Variants in GRAMD1B observed in about 807,000 individuals in gnomAD.
GRAMD1B encodes the protein protein Aster-B.
Under a neutral mutation model 99.7 loss-of-function variants are expected in GRAMD1B, and 37 were observed. That is an observed-to-expected ratio of 0.37 (90% CI 0.29 to 0.49). The LOEUF (loss-of-function observed/expected upper bound fraction) is 0.49, where lower values mean the gene tolerates loss of function less well. GRAMD1B is among the 20% of genes least tolerant of loss of function. The pLI, the probability that GRAMD1B is intolerant of heterozygous loss-of-function variation, is 0.98. For missense variants in GRAMD1B, 888 were observed against 1,009.2 expected, an observed-to-expected ratio of 0.88 and a Z score of 1.63; for synonymous variants, 427 against 387.6, an observed-to-expected ratio of 1.10 and a Z score of -1.19.
intron 2 of GRAMD1B, chr11:123,560,447 A>C: frequency 2.5e-6 from 3 of 1,198,268 alleles, no homozygotes; most frequent in Non-Finnish European, 3.2e-6. Context: ...ACAGCAGAGC[A>C]AAGAAGCGCC....
At chr11:123,368,326 G>T (rs1049019666) in intron 1 of GRAMD1B, among the ~76,000 whole-genome samples, 1 of 149,056 alleles carries the variant, frequency 6.7e-6, no homozygotes, top group Admixed American at 6.7e-5. Context: ...CTAGCTTGAT[G>T]TTATCTGAAC....
chr11:123,584,411 G>GTGCGATTGGGGGAGGGGGAATGGAGGA (rs1949843905), intron 4 of GRAMD1B, 79 bp downstream of exon 4: 1 of 153,636 alleles, frequency 6.5e-6, no homozygotes, highest in Non-Finnish European at 1.4e-5. Context: ...GGGGTGTGGG[G>GTGCGATTGGGGGAGGGGGAATGGAGGA]TGCGGTTGGG....
intron 2 of GRAMD1B, among the ~76,000 whole-genome samples, chr11:123,534,374 G>T (rs562212490): frequency 1.3e-5 from 2 of 152,316 alleles, no homozygotes; most frequent in Non-Finnish European, 2.9e-5. Flanking sequence ...GGCGACAGAG[G>T]TGAAAGAAGA....
chr11:123,576,362 A>C (rs987536404), intron 2 of GRAMD1B, among the ~76,000 whole-genome samples: 1 of 152,046 alleles, frequency 6.6e-6, no homozygotes, highest in African/African-American at 2.4e-5. Context: ...TTCCAATCTC[A>C]CATTTCCTTT....
chr11:123,500,276 A>C (rs1345435383), intron 2 of GRAMD1B, among the ~76,000 whole-genome samples: 3 of 152,180 alleles, frequency 2.0e-5, no homozygotes, highest in African/African-American at 4.8e-5. Context: ...AGCCAGGATC[A>C]TACCACTGCA....
chr11:123,615,058 G>A (rs1327288751), intron 17 of GRAMD1B, among the ~76,000 whole-genome samples: 1 of 152,216 alleles, frequency 6.6e-6, no homozygotes, highest in Non-Finnish European at 1.5e-5. Context: ...TAGGCCTTCA[G>A]AAGAAAATGC....
chr11:123,476,106 TTC>T (rs1951254857), intron 1 of GRAMD1B, among the ~76,000 whole-genome samples: 1 of 127,800 alleles, frequency 7.8e-6, no homozygotes, highest in African/African-American at 4.0e-5. Context: ...TCCATTTAAC[TTC>T]TTTTTTTTTT....
chr11:123,431,991 T>C (rs1397073455), intron 1 of GRAMD1B: 6 of 398,446 alleles, frequency 1.5e-5, no homozygotes, highest in Non-Finnish European at 2.7e-5. Flanking sequence ...GTACCACGAA[T>C]CCTACATATT....
intron 1 of GRAMD1B, among the ~76,000 whole-genome samples, chr11:123,402,824 A>G (rs1370454140): frequency 6.6e-6 from 1 of 152,126 alleles, no homozygotes; most frequent in African/African-American, 2.4e-5. Flanking sequence ...ATTATTTATT[A>G]TAGTTTACAC....
chr11:123,491,813 C>T, intron 2 of GRAMD1B: 2 of 399,046 alleles, frequency 5.0e-6, no homozygotes, highest in Non-Finnish European at 8.8e-6. Context: ...CCTTGAGGTC[C>T]CAGCTGCCAT....
chr11:123,563,980 G>T (rs528751257), intron 2 of GRAMD1B, among the ~76,000 whole-genome samples: 1 of 152,168 alleles, frequency 6.6e-6, no homozygotes, highest in Non-Finnish European at 1.5e-5. Flanking sequence ...GGTATGCTTC[G>T]ATTTGAGTTA....
intron 1 of GRAMD1B, among the ~76,000 whole-genome samples, chr11:123,477,669 CCCTT>C (rs1951358992): frequency 7.2e-6 from 1 of 139,552 alleles, no homozygotes; most frequent in Admixed American, 7.2e-5. Context: ...CCTTCTCTCT[CCCTT>C]CCTTCTCCTT....
chr11:123,594,851 G>C lies in GRAMD1B; in HGVS notation c.873+13G>C. On this transcript the variant is annotated intron_variant, in intron 6 of 19. Transcript: ENST00000635736. ...CTGGGAAACTCTGGTAAAGACCTGGGCATGCTCCCTTGGGCTGTCTCCTTG... is the reference window on the plus strand; with the variant it reads ...CTGGGAAACTCTGGTAAAGACCTGGCCATGCTCCCTTGGGCTGTCTCCTTG... 7.1e-7 allele frequency: 1 copy of C among 1,411,700 alleles called. No homozygotes were observed. 87.4% of individuals were successfully genotyped at this position (1,411,700 alleles called of 1,614,324 possible).
intron 1 of GRAMD1B, among the ~76,000 whole-genome samples, chr11:123,362,257 T>C (rs1372228525): frequency 6.6e-6 from 1 of 152,190 alleles, no homozygotes; most frequent in Non-Finnish European, 1.5e-5. Context: ...ACTGTGTTGG[T>C]TTCATCAGCC....
intron 7 of GRAMD1B, among the ~76,000 whole-genome samples, chr11:123,600,144 C>T (rs1425763076): frequency 6.6e-5 from 10 of 152,206 alleles, no homozygotes; most frequent in Admixed American, 6.5e-4. Flanking sequence ...TAGTTCATAG[C>T]TCACCCCTTA....
chr11:123,517,204 G>C (rs1302971950), intron 2 of GRAMD1B, among the ~76,000 whole-genome samples: 1 of 152,320 alleles, frequency 6.6e-6, no homozygotes, highest in South Asian at 2.1e-4. Context: ...ACAGGCATGA[G>C]CCACTGCTCC....
chr11:123,589,890 C>T (rs959972392), intron 4 of GRAMD1B, among the ~76,000 whole-genome samples: 5 of 152,094 alleles, frequency 3.3e-5, no homozygotes, highest in Non-Finnish European at 4.4e-5. Flanking sequence ...GGGCCAAGAC[C>T]CTCCTGGCAA....
rs1253692211 is a variant in GRAMD1B, at chr11:123,625,728, C to G, written c.*3133C>G. On this transcript the variant is annotated 3_prime_UTR_variant, in exon 20 of 20. Coordinates refer to ENST00000635736, the MANE Select transcript of GRAMD1B (RefSeq NM_001387025.1). ...GGCTAGATCATCTTTAAGGTAGGTT[C>G]TAGCTTTGACATCATCTTGGGGGTT... The G allele has an allele frequency of 1.3e-5, 2 of 152,274 alleles. No homozygotes were observed. The highest frequency in any genetic ancestry group is 4.8e-5 in the African/African-American group (2 of 41,442). The allele number at this position is 152,274 out of a possible 1,614,324, so 9.4% of individuals were successfully genotyped here.
At chr11:123,598,443 T>C in intron 7 of GRAMD1B, 1 of 968,334 alleles carries the variant, frequency 1.0e-6, no homozygotes. Flanking sequence ...GAGATGTCGC[T>C]GTTCTCCGAG....
Sources: allele counts gnomAD v4.1 joint callset (sites outside exome capture counted in the v4.1 genomes callset), GRCh38; gene constraint gnomAD v4.1.1; transcripts MANE v1.5; gene names NCBI Gene and HGNC (gene_info 2026-07-23, HGNC 2026-07-21).